ABI3BP: variants seen among roughly 807,000 people sequenced by gnomAD.
ABI3BP encodes target of Nesh-SH3.
Under a neutral mutation model 268.6 loss-of-function variants are expected in ABI3BP, and 216 were observed. That is an observed-to-expected ratio of 0.80 (90% confidence interval 0.72 to 0.90). The LOEUF is 0.90. Among genes scored for constraint, ABI3BP ranks in the 40% least tolerant of loss-of-function variants. ABI3BP has a pLI of 0.00. For missense variants in ABI3BP, 2,090 were observed against 2,182.4 expected (o/e 0.96, Z 0.84); for synonymous variants, 730 against 730.0 (o/e 1.00, Z 0.00).
chr3:100,900,504 T>C (rs1266193365), intron 3 of ABI3BP, among the ~76,000 whole-genome samples: 2 of 152,218 alleles, frequency 1.3e-5, no homozygotes, highest in African/African-American at 4.8e-5. Flanking sequence ...TATCACTGTC[T>C]TGGCTCTCTA....
intron 2 of ABI3BP, chr3:100,911,349 AC>A: frequency 3.7e-6 from 1 of 270,532 alleles, no homozygotes. Context: ...ATAATGCTTG[AC>A]CAGGAAAAAT....
chr3:100,787,715 T>C lies in ABI3BP; in HGVS notation c.4162+13A>G. 1 of 1,512,604 alleles carries C rather than the reference T, an allele frequency of 6.6e-7. No individual in the cohort carries two copies. Among genetic ancestry groups the C allele is most frequent in the Non-Finnish European group, 8.8e-7 (1 of 1,133,730 alleles). The allele number at this position is 1,512,604 out of a possible 1,614,324, so 93.7% of individuals were successfully genotyped here. A position where few individuals can be genotyped will look rare whatever the true frequency, so the allele number is the denominator to read the frequency against. The stretch of plus-strand genomic sequence containing the variant: ...TTGACAGGATAAAAAGGAAATACAT[T>C]TGTGATTATTACCTGTTCCCACTCC... On this transcript the variant is annotated intron_variant, in intron 57 of 67. Coordinates refer to ENST00000471714, the MANE Select transcript of ABI3BP (RefSeq NM_001375547.2).
intron 1 of ABI3BP, among the ~76,000 whole-genome samples, chr3:100,940,211 T>C (rs752795073): frequency 2.6e-5 from 4 of 152,018 alleles, no homozygotes; most frequent in Admixed American, 6.6e-5. Flanking sequence ...GATTATGAGA[T>C]AAAAATAAAG....
Position 100,833,152 on chromosome 3 carries a change from C to A in ABI3BP, c.2287G>T (p.Gly763Ter). 6.5e-7 allele frequency: 1 copy of A among 1,534,336 alleles called. No individual in the cohort carries two copies. ...GAAGATGTCCCAGGAGTAATAGGTCCAAAGTCTGTAGCAAGAAATGATCAA... is the reference window on the plus strand; with the variant it reads ...GAAGATGTCCCAGGAGTAATAGGTCAAAAGTCTGTAGCAAGAAATGATCAA... Reference protein sequence around the residue: ...PETLQTKLDFGPITPGTSSAP... With the variant: ...PETLQTKLDF Residue 763 changes from glycine to a stop codon, truncating the protein, a stop_gained, in exon 30 of 68, where the codon GGA becomes TGA. Coordinates refer to ENST00000471714, the MANE Select transcript of ABI3BP (RefSeq NM_001375547.2). LOFTEE classifies it high-confidence loss of function.
intron 10 of ABI3BP, among the ~76,000 whole-genome samples, chr3:100,865,331 A>G (rs1162461848): frequency 6.6e-6 from 1 of 152,210 alleles, no homozygotes; most frequent in African/African-American, 2.4e-5. Flanking sequence ...TGGGCAAATG[A>G]AAGGATGACT....
chr3:100,774,235 C>A (rs898726284), intron 61 of ABI3BP, among the ~76,000 whole-genome samples: 3 of 152,104 alleles, frequency 2.0e-5, no homozygotes, highest in Admixed American at 6.5e-5. Context: ...AGATATGACA[C>A]AAAAAGGAGC....
At chr3:100,776,340 G>A (rs1421936753) in intron 59 of ABI3BP, among the ~76,000 whole-genome samples, 1 of 152,174 alleles carries the variant, frequency 6.6e-6, no homozygotes, top group African/African-American at 2.4e-5. Flanking sequence ...GTGAGTATGA[G>A]CCACAATAAG....
intron 59 of ABI3BP, among the ~76,000 whole-genome samples, chr3:100,775,806 G>A (rs73150776): frequency 0.13 from 20,221 of 152,212 alleles, 1,679 homozygotes; most frequent in South Asian, 0.26. Context: ...GAAGGGCAAG[G>A]AAGGGCAGAT....
intron 11 of ABI3BP, 130 bp from the exon 12 acceptor site, chr3:100,864,206 A>T (rs1347646162): frequency 1.5e-6 from 1 of 669,966 alleles, no homozygotes; most frequent in Admixed American, 2.3e-5. Context: ...TTTAATGGAA[A>T]TAACCTTCCC....
In ABI3BP at chr3:100,833,223, A is replaced by G; in HGVS notation, c.2282-66T>C. On this transcript the variant is annotated intron_variant, in intron 29 of 67. Transcript: ENST00000471714. ...AAATGTTAAACACACGAGAAAAGCC[A>G]TCATTCTCTTGAAAAGTGAACTTTA... 6 of 1,415,246 alleles carry G rather than the reference A, an allele frequency of 4.2e-6. 1 individual carries two copies. Among genetic ancestry groups the G allele is most frequent in the South Asian group, 1.3e-5 (1 of 79,476 alleles). The allele number at this position is 1,415,246 out of a possible 1,614,324, so 87.7% of individuals were successfully genotyped here. A position where few individuals can be genotyped will look rare whatever the true frequency, so the allele number is the denominator to read the frequency against.
chr3:100,990,358 A>C (rs2092717889), intron 1 of ABI3BP, among the ~76,000 whole-genome samples: 1 of 152,122 alleles, frequency 6.6e-6, no homozygotes, highest in Admixed American at 6.5e-5. Flanking sequence ...ACCAATGAGA[A>C]AACTGAGGCT....
Position 100,770,830 on chromosome 3 carries a change from G to C in ABI3BP, c.4654C>G (p.Pro1552Ala), listed in dbSNP as rs1553771261. 8 of 1,600,698 alleles carry C rather than the reference G, an allele frequency of 5.0e-6. No homozygotes were observed. In the South Asian group the frequency reaches 9.1e-5, roughly 18 times the overall value. The change falls in exon 62 of 68, where the codon CCC becomes GCC. Residue 1552 changes from proline to alanine, a missense_variant. By Grantham distance (27) the Pro-to-Ala change is conservative. Transcript: ENST00000471714. ...GNATSPPQNP[P>A]TNLTVVTVEG... ...ACGGTGACCACAGTGAGGTTGGTGG[G>C]TGGGTTCTGTGGTGGGCTGGTGGCA...
rs150866550 is a variant in ABI3BP at position 100,820,805 on chromosome 3, G to C, written c.2947+249C>G. On this transcript the variant is annotated intron_variant, in intron 39 of 67. Transcript: ENST00000471714. ...AAATTGGTTAAAAAACACACTGGATGACAAAATAATTTCAGATGGTTACAT... is the reference window on the plus strand; with the variant it reads ...AAATTGGTTAAAAAACACACTGGATCACAAAATAATTTCAGATGGTTACAT... Among the ~76,000 whole-genome samples, 692 of 152,256 alleles carry C rather than the reference G, an allele frequency of 4.5e-3. 2 individuals carry two copies. The highest frequency in any genetic ancestry group is 0.015 in the African/African-American group (605 of 41,568).
At chr3:100,753,051 C>T (rs2095422844) in intron 65 of ABI3BP, 103 bp from the exon 66 acceptor site, 4 of 1,127,304 alleles carry the variant, frequency 3.5e-6, no homozygotes, top group South Asian at 3.2e-5. Flanking sequence ...CTTTTTTTCC[C>T]CCCATGCTAA....
intron 1 of ABI3BP, among the ~76,000 whole-genome samples, chr3:100,952,205 A>G (rs1170611982): frequency 6.6e-6 from 1 of 152,202 alleles, no homozygotes; most frequent in Admixed American, 6.5e-5. Flanking sequence ...AGTTCACAAT[A>G]CATACTGTAC....
At position 100,825,150 on chromosome 3, in the gene ABI3BP, C is replaced by T. The variant is rs536564262; in HGVS notation, c.2663-209G>A. On this transcript the variant is annotated intron_variant, in intron 35 of 67. Coordinates refer to ENST00000471714, the MANE Select transcript of ABI3BP (RefSeq NM_001375547.2). Reference sequence around the variant, plus strand: ...CATGTATACAGTCGAGTTGCTCACTCAAGGAGTGAAGATTAGCACTTGTAT... The same window carrying T: ...CATGTATACAGTCGAGTTGCTCACTTAAGGAGTGAAGATTAGCACTTGTAT... Among the ~76,000 whole-genome samples, 3 of 152,194 alleles carry T rather than the reference C, an allele frequency of 2.0e-5. No homozygotes were observed. In the South Asian group the frequency reaches 6.2e-4, roughly 32 times the overall value.
chr3:100,989,057 T>A (rs1243353356), intron 1 of ABI3BP, among the ~76,000 whole-genome samples: 1 of 152,174 alleles, frequency 6.6e-6, no homozygotes, highest in Admixed American at 6.5e-5. Context: ...AAGAGGTGAT[T>A]AGGCCATGAG....
intron 55 of ABI3BP, 92 bp downstream of exon 55, chr3:100,792,599 G>C: frequency 7.7e-7 from 1 of 1,292,244 alleles, no homozygotes; most frequent in Non-Finnish European, 1.1e-6. Context: ...GTAATCCACT[G>C]TGTTGAGAAA....
intron 20 of ABI3BP, among the ~76,000 whole-genome samples, 167 bp downstream of exon 20, chr3:100,846,205 T>C (rs189829305): frequency 1.3e-5 from 2 of 152,202 alleles, no homozygotes; most frequent in Non-Finnish European, 2.9e-5. Flanking sequence ...TGCTGTGATA[T>C]CACAGTGGCT....
Sources: allele counts gnomAD v4.1 joint callset (sites outside exome capture counted in the v4.1 genomes callset), GRCh38; gene constraint gnomAD v4.1.1; transcripts MANE v1.5; gene names NCBI Gene and HGNC (gene_info 2026-07-23, HGNC 2026-07-21).